Variants in ELAVL4 observed in about 807,000 individuals in gnomAD.
ELAVL4 encodes the protein ELAV like RNA binding protein 4, also known as ELAV-like protein 4.
A neutral mutation model predicts 35.6 loss-of-function variants in ELAVL4; 1 was observed. The observed-to-expected ratio is 0.03, with a 90% confidence interval of 0.01 to 0.13. The LOEUF is 0.13. ELAVL4 is among the 10% of genes least tolerant of loss of function. The pLI, the probability that ELAVL4 is intolerant of heterozygous loss-of-function variation, is 1.00. For synonymous variants in ELAVL4, 156 were observed against 171.0 expected, an observed-to-expected ratio of 0.91 and a Z score of 0.69; for missense variants, 267 against 464.9, an observed-to-expected ratio of 0.57 and a Z score of 3.91.
chr1:50,195,454 C>T lies in ELAVL4; in HGVS notation c.509-107C>T, dbSNP rs1557865613. ...GGAGCTGGGCTCAGCCCTGGCACCA[C>T]AGGTGGGCTTACTCCTCACACAATA... On this transcript the variant is annotated intron_variant, in intron 4 of 6. Coordinates refer to ENST00000371824, the MANE Select transcript of ELAVL4 (RefSeq NM_001144774.3). 4.0e-6 allele frequency: 5 copies of T among 1,234,910 alleles called. No homozygotes were observed. The East Asian group carries it at 9.4e-5, about 23-fold the overall frequency. The allele number at this position is 1,234,910 out of a possible 1,614,324, so 76.5% of individuals were successfully genotyped here.
chr1:50,113,878 C>G (rs1030362049), intron 1 of ELAVL4, among the ~76,000 whole-genome samples: 2 of 152,046 alleles, frequency 1.3e-5, no homozygotes, highest in South Asian at 4.1e-4. Context: ...CTGCACCTGT[C>G]TTAGGCTTTC....
At chr1:50,048,065 A>T in exon 1 of ELAVL4, 1 of 1,348,096 alleles carries the variant, frequency 7.4e-7, no homozygotes, top group Non-Finnish European at 9.7e-7. Flanking sequence ...AGAGCGAGCT[A>T]GAGAGCGAGA....
intron 1 of ELAVL4, among the ~76,000 whole-genome samples, chr1:50,133,121 C>T (rs1004395060): frequency 2.0e-5 from 3 of 152,138 alleles, no homozygotes; most frequent in African/African-American, 7.2e-5. Context: ...GGGCTGTTTC[C>T]GTTTTTCTCA....
chr1:50,183,550 C>A (rs1351037027), intron 3 of ELAVL4, among the ~76,000 whole-genome samples: 1 of 152,114 alleles, frequency 6.6e-6, no homozygotes, highest in African/African-American at 2.4e-5. Context: ...CCACCTCTTC[C>A]TGTTGTGATG....
chr1:50,074,628 G>A (rs540289902), intron 1 of ELAVL4, among the ~76,000 whole-genome samples: 1 of 152,322 alleles, frequency 6.6e-6, no homozygotes, highest in South Asian at 2.1e-4. Flanking sequence ...TGAGCTCAGT[G>A]CTTCAACAGC....
intron 1 of ELAVL4, among the ~76,000 whole-genome samples, chr1:50,062,837 A>T (rs1474735584): frequency 6.6e-6 from 1 of 152,202 alleles, no homozygotes; most frequent in Non-Finnish European, 1.5e-5. Flanking sequence ...TTGCTTCCCG[A>T]TGATACAAAT....
intron 1 of ELAVL4, among the ~76,000 whole-genome samples, chr1:50,091,738 T>C (rs1287222218): frequency 6.6e-6 from 1 of 152,214 alleles, no homozygotes; most frequent in Non-Finnish European, 1.5e-5. Context: ...GAAACCATGT[T>C]GTATTGAAAC....
chr1:50,137,310 G>T (rs901738418), intron 1 of ELAVL4, among the ~76,000 whole-genome samples: 1 of 152,118 alleles, frequency 6.6e-6, no homozygotes, highest in Non-Finnish European at 1.5e-5. Flanking sequence ...TGAGGAGGGG[G>T]ATCAATCCTG....
At chr1:50,172,528 C>T (rs970832530) in intron 2 of ELAVL4, among the ~76,000 whole-genome samples, 1 of 152,140 alleles carries the variant, frequency 6.6e-6, no homozygotes, top group Non-Finnish European at 1.5e-5. Flanking sequence ...GCCACTACTG[C>T]CTGTTTTTCT....
intron 1 of ELAVL4, among the ~76,000 whole-genome samples, chr1:50,092,694 T>C (rs1665548657): frequency 1.3e-5 from 2 of 152,178 alleles, no homozygotes; most frequent in Admixed American, 1.3e-4. Context: ...AAGGGACTGC[T>C]TGGTGATTTT....
intron 1 of ELAVL4, among the ~76,000 whole-genome samples, chr1:50,070,929 A>G (rs900465287): frequency 3.9e-5 from 6 of 152,054 alleles, no homozygotes; most frequent in African/African-American, 1.4e-4. Context: ...TCTGATCTCA[A>G]CCTGCCTCTC....
chr1:50,049,641 G>A (rs1383567850), intron 1 of ELAVL4, among the ~76,000 whole-genome samples: 1 of 152,136 alleles, frequency 6.6e-6, no homozygotes, highest in African/African-American at 2.4e-5. Context: ...GTAGACTGTG[G>A]CACTGTGGCT....
At chr1:50,066,922 A>T (rs547881997) in intron 1 of ELAVL4, among the ~76,000 whole-genome samples, 1 of 152,094 alleles carries the variant, frequency 6.6e-6, no homozygotes, top group African/African-American at 2.4e-5. Flanking sequence ...TTTTCCCTCA[A>T]ACTGTCTCAT....
intron 2 of ELAVL4, among the ~76,000 whole-genome samples, chr1:50,152,430 A>C (rs571926467): frequency 7.6e-4 from 116 of 151,954 alleles, no homozygotes; most frequent in African/African-American, 1.8e-3. Flanking sequence ...ACACACACAC[A>C]CCCACACATT....
intron 1 of ELAVL4, among the ~76,000 whole-genome samples, chr1:50,095,081 T>A (rs920714454): frequency 2.5e-4 from 38 of 152,202 alleles, no homozygotes; most frequent in Admixed American, 2.5e-3. Flanking sequence ...GGATTTCAGA[T>A]AGCAATGACT....
chr1:50,099,196 TC>T (rs1665846955), upstream of ELAVL4, among the ~76,000 whole-genome samples: 1 of 152,186 alleles, frequency 6.6e-6, no homozygotes, highest in African/African-American at 2.4e-5. Context: ...GTACTGTTAT[TC>T]CATGTGCTGG....
intron 2 of ELAVL4, among the ~76,000 whole-genome samples, chr1:50,171,729 T>C (rs35467617): frequency 2.9e-4 from 44 of 152,334 alleles, no homozygotes; most frequent in Non-Finnish European, 4.7e-4. Context: ...CACACACACA[T>C]TGATACATGC....
intron 2 of ELAVL4, among the ~76,000 whole-genome samples, chr1:50,165,752 ATGTGTATATG>A (rs1229984743): frequency 2.6e-3 from 82 of 31,108 alleles, no homozygotes; most frequent in African/African-American, 5.9e-3. Context: ...ATATACATAT[ATGTGTATATG>A]TGTGTATATG....
intron 1 of ELAVL4, among the ~76,000 whole-genome samples, chr1:50,073,163 T>C (rs1456494780): frequency 6.6e-6 from 1 of 152,202 alleles, no homozygotes; most frequent in Non-Finnish European, 1.5e-5. Context: ...AGCCTCATGG[T>C]ACCAGGGAGT....
Sources: gnomAD v4.1 joint callset for allele counts (sites outside exome capture counted in the v4.1 genomes callset) on GRCh38, gnomAD v4.1.1 for gene constraint, MANE v1.5 for transcripts, NCBI Gene and HGNC (gene_info 2026-07-23, HGNC 2026-07-21) for gene names.